Variants in PDE4D observed in about 807,000 individuals in gnomAD.
PDE4D encodes the protein phosphodiesterase 4D.
A neutral mutation model predicts 87.4 loss-of-function variants in PDE4D; 24 were observed. The ratio of observed to expected loss-of-function variants is 0.27; its 90% CI spans 0.20 to 0.39. The LOEUF (loss-of-function observed/expected upper bound fraction) is 0.39, where lower values mean the gene tolerates loss of function less well. Ranked by LOEUF, PDE4D falls within the 10% of genes least tolerant of loss-of-function variation. The pLI is 1.00. For synonymous variants in PDE4D, 384 were observed against 383.2 expected, an observed-to-expected ratio of 1.00 and a Z score of -0.02; for missense variants, 714 against 1,041.0, an observed-to-expected ratio of 0.69 and a Z score of 4.32.
At chr5:60,369,368 T>C (rs1760820518) in intron 1 of PDE4D, among the ~76,000 whole-genome samples, 1 of 152,098 alleles carries the variant, frequency 6.6e-6, no homozygotes, top group South Asian at 2.1e-4. Context: ...AGAGGACATT[T>C]TGATCCTCTT....
At position 59,971,294 on chromosome 5, in the gene PDE4D, AC is replaced by A. The variant is rs562524280; in HGVS notation, c.272+17193del. ...AGTGGGTGCAGCGCACCAGCATGGCACATGTATACATACGTAACTAACCTGC... is the reference window on the plus strand; with the variant it reads ...AGTGGGTGCAGCGCACCAGCATGGCAATGTATACATACGTAACTAACCTGC... On this transcript the variant is annotated intron_variant, in intron 3 of 16. Transcript: ENST00000502484. Among the ~76,000 whole-genome samples the A allele has an allele frequency of 2.5e-3, 384 of 151,702 alleles. 2 individuals are homozygous for A. The highest frequency in any genetic ancestry group is 9.0e-3 in the African/African-American group (371 of 41,382).
intron 2 of PDE4D, among the ~76,000 whole-genome samples, chr5:60,172,641 G>A (rs930294543): frequency 6.6e-6 from 1 of 152,106 alleles, no homozygotes; most frequent in Non-Finnish European, 1.5e-5. Context: ...GGGGAGAAAA[G>A]AAACAGACAA....
intron 5 of PDE4D, among the ~76,000 whole-genome samples, chr5:59,116,180 TATA>T (rs527338447): frequency 2.6e-5 from 4 of 152,306 alleles, no homozygotes; most frequent in Middle Eastern, 3.4e-3. Flanking sequence ...TGAACCACAT[TATA>T]ATGTTTTTTG....
intron 1 of PDE4D, among the ~76,000 whole-genome samples, chr5:59,889,843 A>G (rs1750699881): frequency 6.6e-6 from 1 of 152,048 alleles, no homozygotes; most frequent in Non-Finnish European, 1.5e-5. Context: ...TGGTAATTTT[A>G]TTGTTTGAAA....
At chr5:59,250,565 T>A (rs1002667866) in intron 1 of PDE4D, among the ~76,000 whole-genome samples, 2 of 151,846 alleles carry the variant, frequency 1.3e-5, no homozygotes, top group African/African-American at 4.8e-5. Context: ...ATATAAATAT[T>A]TTGTAGATTA....
chr5:60,062,582 T>C (rs981153545), intron 2 of PDE4D, among the ~76,000 whole-genome samples: 1 of 152,200 alleles, frequency 6.6e-6, no homozygotes, highest in African/African-American at 2.4e-5. Flanking sequence ...CCTAGAGGAA[T>C]ATAAATAATT....
intron 1 of PDE4D, among the ~76,000 whole-genome samples, chr5:59,262,873 A>C (rs988056328): frequency 2.6e-5 from 4 of 151,944 alleles, no homozygotes; most frequent in African/African-American, 9.7e-5. Context: ...CTAGTTTATG[A>C]CACGAGAAGA....
intron 5 of PDE4D, chr5:59,157,463 TTACGAC>T (rs1780422760): frequency 6.2e-6 from 4 of 650,380 alleles, no homozygotes; most frequent in Non-Finnish European, 1.1e-5. Context: ...CCACTTGAAT[TTACGAC>T]TAAGTTTCCA....
At chr5:59,427,336 CA>C (rs1795431420) in intron 1 of PDE4D, among the ~76,000 whole-genome samples, 3 of 140,376 alleles carry the variant, frequency 2.1e-5, no homozygotes, top group African/African-American at 9.7e-5. Flanking sequence ...CACACACACA[CA>C]CGCCCCTATG....
At chr5:60,053,344 T>G (rs1399390816) in intron 2 of PDE4D, among the ~76,000 whole-genome samples, 2 of 152,132 alleles carry the variant, frequency 1.3e-5, no homozygotes, top group Non-Finnish European at 2.9e-5. Context: ...AAAACAGATA[T>G]ATAGACAAAT....
intron 1 of PDE4D, among the ~76,000 whole-genome samples, chr5:59,426,461 G>T (rs1795227379): frequency 6.6e-6 from 1 of 152,030 alleles, no homozygotes; most frequent in Non-Finnish European, 1.5e-5. Context: ...ATAATAGGGA[G>T]AGCAAGCCTA....
At chr5:59,152,306 G>A (rs1264997448) in intron 5 of PDE4D, among the ~76,000 whole-genome samples, 1 of 151,604 alleles carries the variant, frequency 6.6e-6, no homozygotes, top group Non-Finnish European at 1.5e-5. Flanking sequence ...GGAGGAAGTA[G>A]GAAAGAGAGA....
chr5:59,318,181 T>C (rs1774093127), intron 1 of PDE4D, among the ~76,000 whole-genome samples: 2 of 152,162 alleles, frequency 1.3e-5, no homozygotes, highest in Non-Finnish European at 2.9e-5. Flanking sequence ...CTGGTCTGGG[T>C]ACACTGGAGG....
intron 1 of PDE4D, among the ~76,000 whole-genome samples, chr5:60,304,870 C>G (rs368646585): frequency 6.6e-6 from 1 of 151,772 alleles, no homozygotes; most frequent in African/African-American, 2.4e-5. Context: ...CTAAACCCAA[C>G]AATATTCATT....
chr5:60,413,658 T>C (rs1195108702), intron 1 of PDE4D, among the ~76,000 whole-genome samples: 5 of 152,156 alleles, frequency 3.3e-5, no homozygotes, highest in Admixed American at 6.5e-5. Context: ...CAGAATGCCA[T>C]GGATGTAAGA....
At chr5:60,348,646 T>A (rs1758929614) in intron 1 of PDE4D, among the ~76,000 whole-genome samples, 1 of 152,164 alleles carries the variant, frequency 6.6e-6, no homozygotes, top group African/African-American at 2.4e-5. Context: ...ATTTTTAATA[T>A]GATGACTTTC....
chr5:59,996,196 C>T (rs1673735907), intron 2 of PDE4D, among the ~76,000 whole-genome samples: 1 of 152,064 alleles, frequency 6.6e-6, no homozygotes, highest in African/African-American at 2.4e-5. Context: ...TTTCAGTGAG[C>T]CTACACTATG....
At chr5:60,416,327 G>A (rs1742550766) in intron 1 of PDE4D, among the ~76,000 whole-genome samples, 1 of 152,192 alleles carries the variant, frequency 6.6e-6, no homozygotes. Context: ...AACCTGCTGG[G>A]GTCCCCTTCC....
intron 1 of PDE4D, among the ~76,000 whole-genome samples, chr5:59,303,005 T>G (rs1158537478): frequency 6.6e-6 from 1 of 152,188 alleles, no homozygotes; most frequent in African/African-American, 2.4e-5. Flanking sequence ...CCACCAGCAG[T>G]GTAGAAGTGT....
Sources: gnomAD v4.1 joint callset for allele counts (sites outside exome capture counted in the v4.1 genomes callset) on GRCh38, gnomAD v4.1.1 for gene constraint, MANE v1.5 for transcripts, NCBI Gene and HGNC (gene_info 2026-07-23, HGNC 2026-07-21) for gene names.